Variants in SPTB observed in about 807,000 individuals in gnomAD.
The protein encoded by SPTB is spectrin beta chain, erythrocytic.
SPTB carries 45 observed loss-of-function variants against 256.2 expected under a neutral mutation model. The observed-to-expected ratio is 0.18, with a 90% CI of 0.14 to 0.23. The LOEUF (loss-of-function observed/expected upper bound fraction) is 0.23. Among genes scored for constraint, SPTB ranks in the 10% least tolerant of loss-of-function variants. The pLI, the probability that SPTB is intolerant of heterozygous loss-of-function variation, is 1.00. For synonymous variants in SPTB, 1,231 were observed against 1,243.1 expected, an observed-to-expected ratio of 0.99 and a Z score of 0.21; for missense variants, 2,715 against 3,040.4, an observed-to-expected ratio of 0.89 and a Z score of 2.52.
Position 64,796,838 on chromosome 14 carries a change from G to A in SPTB, c.1183-123C>T. ...TCAAGGTACAGCCTGATGCTCTTGG[G>A]TGACGTGGTAGCAGATTAAAGATCA... On this transcript the variant is annotated intron_variant, in intron 10 of 35. Coordinates refer to ENST00000644917, the MANE Select transcript of SPTB (RefSeq NM_001355436.2). This position sits in a 1 kb window ranked among gnomAD's most constrained non-coding sequence, Gnocchi z 4.1. The A allele has an allele frequency of 1.5e-6, 2 of 1,291,806 alleles. No homozygotes were observed. Among genetic ancestry groups the A allele is most frequent in the Non-Finnish European group, 2.2e-6 (2 of 909,086 alleles). 80.0% of individuals were successfully genotyped at this position (1,291,806 alleles called of 1,614,324 possible).
intron 1 of SPTB, among the ~76,000 whole-genome samples, chr14:64,874,849 C>T (rs949821079): frequency 2.0e-5 from 3 of 152,268 alleles, no homozygotes; most frequent in South Asian, 4.1e-4. Flanking sequence ...GACTATAATT[C>T]GAAGCAATTA....
At position 64,780,039 on chromosome 14, in the gene SPTB, C is replaced by T; in HGVS notation, c.4267-108G>A. On this transcript the variant is annotated intron_variant, in intron 20 of 35. Coordinates refer to ENST00000644917, the MANE Select transcript of SPTB (RefSeq NM_001355436.2). ...CATCCTTTAAGGCCCAATTTGAGCT[C>T]AACTTCCTCCAAGGAGTCTCCTTGG... The T allele has an allele frequency of 3.1e-6, 3 of 956,020 alleles. No homozygotes were observed. The South Asian group carries it at 3.9e-5, about 13-fold the overall frequency. The allele number at this position is 956,020 out of a possible 1,614,324, so 59.2% of individuals were successfully genotyped here. A position where few individuals can be genotyped will look rare whatever the true frequency, so the allele number is the denominator to read the frequency against.
At chr14:64,860,327 T>C (rs897691709) in intron 1 of SPTB, among the ~76,000 whole-genome samples, 1 of 152,240 alleles carries the variant, frequency 6.6e-6, no homozygotes, top group Non-Finnish European at 1.5e-5. Context: ...TCATATATTC[T>C]TTCCCTGCTT....
chr14:64,779,892 C>T lies in SPTB; in HGVS notation c.4306G>A (p.Gly1436Arg), dbSNP rs1346828165. ...GAAGGCACCTGGGCAAACAGCTCCC[C>T]CAGCTCCTCTTTTCGCACATTCACT... The part of the protein sequence containing the change: ...DQVNVRKEEL[G>R]ELFAQVPSMG... Residue 1436 changes from glycine (G) to arginine (R), a missense_variant, in exon 21 of 36, where the codon GGG (glycine) becomes AGG (arginine). Gly to Arg is a moderately radical substitution (Grantham distance 125, BLOSUM62 -2). Transcript: ENST00000644917. This position sits in a 1 kb window ranked among gnomAD's most constrained non-coding sequence, Gnocchi z 4.2. 1.9e-6 allele frequency: 3 copies of T among 1,614,036 alleles called. No homozygotes were observed. Among genetic ancestry groups the T allele is most frequent in the African/African-American group, 2.7e-5 (2 of 75,034 alleles).
At position 64,782,478 on chromosome 14, in the gene SPTB, G is replaced by A; in HGVS notation, c.4078C>T (p.Leu1360Phe). ...GTGGTGGCCTGCAGCTCGTCCCAGA[G>A]CCGGTGCAGGGCTTCCAGCTTTTGG... ...VSQKLEALHR[L>F]WDELQATTKE... Residue 1360 changes from leucine to phenylalanine, a missense_variant, in exon 20 of 36, where the codon CTC becomes TTC. Leu to Phe is a conservative substitution (Grantham distance 22). Around this residue, in one of 4 missense-constraint regions of SPTB, gnomAD observed 2,239 missense variants for 2,384.4 expected, o/e 0.94. Coordinates refer to ENST00000644917, the MANE Select transcript of SPTB (RefSeq NM_001355436.2). The A allele has an allele frequency of 6.2e-7, 1 of 1,614,146 alleles. No homozygotes were observed. Among genetic ancestry groups the A allele is most frequent in the Non-Finnish European group, 8.5e-7 (1 of 1,180,038 alleles).
intron 32 of SPTB, chr14:64,766,270 GTGCA>G: frequency 1.9e-6 from 1 of 522,878 alleles, no homozygotes; most frequent in Non-Finnish European, 2.7e-6. Flanking sequence ...GTATTTGTGT[GTGCA>G]TGCATGTGTG....
chr14:64,749,539 C>T lies in SPTB; in HGVS notation c.6820-66G>A. 6.2e-7 allele frequency: 1 copy of T among 1,600,924 alleles called. No homozygotes were observed. Among genetic ancestry groups the T allele is most frequent in the South Asian group, 1.1e-5 (1 of 90,776 alleles). ...GCCCCCCACCTCCCGGGCCAGGCAACAATGGTGGGGGCTCTTGGGACTGCC... is the reference window on the plus strand; with the variant it reads ...GCCCCCCACCTCCCGGGCCAGGCAATAATGGTGGGGGCTCTTGGGACTGCC... On this transcript the variant is annotated intron_variant, in intron 35 of 35. Coordinates refer to ENST00000644917, the MANE Select transcript of SPTB (RefSeq NM_001355436.2). The surrounding 1 kb of genome is among the most constrained non-coding windows in gnomAD (Gnocchi z 4.7).
intron 19 of SPTB, among the ~76,000 whole-genome samples, chr14:64,783,791 G>A (rs1354520268): frequency 6.6e-6 from 1 of 152,118 alleles, no homozygotes; most frequent in Admixed American, 6.5e-5. Context: ...GGGGTCCCTT[G>A]GTTCGCCATC....
At chr14:64,773,604 A>G (rs1371196283) in intron 24 of SPTB, among the ~76,000 whole-genome samples, 180 bp from the exon 25 acceptor site, 1 of 152,170 alleles carries the variant, frequency 6.6e-6, no homozygotes, top group Non-Finnish European at 1.5e-5. Context: ...GCCACACCCT[A>G]GCCTCAGGGG....
intron 2 of SPTB, among the ~76,000 whole-genome samples, chr14:64,822,311 T>C (rs112002541): frequency 0.032 from 88 of 2,742 alleles, no homozygotes; most frequent in Admixed American, 0.067. Flanking sequence ...GGAGGAGAAG[T>C]CATTTCTACT....
intron 32 of SPTB, chr14:64,754,063 A>C: frequency 1.8e-6 from 1 of 568,078 alleles, no homozygotes; most frequent in Non-Finnish European, 3.2e-6. Flanking sequence ...AATGTAACAT[A>C]GCAACGGAAG....
intron 2 of SPTB, among the ~76,000 whole-genome samples, chr14:64,819,619 C>G (rs899240493): frequency 6.6e-6 from 1 of 152,230 alleles, no homozygotes; most frequent in Admixed American, 6.5e-5. Context: ...GCCCAGAGCT[C>G]CAAGCACAAA....
chr14:64,847,819 G>A lies in SPTB; in HGVS notation c.-51-24674C>T, dbSNP rs1037578978. Among the ~76,000 whole-genome samples, 4 of 152,154 alleles carry A rather than the reference G, an allele frequency of 2.6e-5. No individual in the cohort carries two copies. Among genetic ancestry groups the A allele is most frequent in the African/African-American group, 9.7e-5 (4 of 41,430 alleles). ...GCACAGAGCAGCTCTTGGGAAGCAT[G>A]CCTTATTTCCTCAATGCTCCATGTG... On this transcript the variant is annotated intron_variant, in intron 1 of 35. Coordinates refer to ENST00000644917, the MANE Select transcript of SPTB (RefSeq NM_001355436.2). The surrounding 1 kb of genome is among the most constrained non-coding windows in gnomAD (Gnocchi z 5.9).
rs1437743127 is a variant in SPTB at position 64,847,037 on chromosome 14, T to A, written c.-51-23892A>T. Among the ~76,000 whole-genome samples, 1 of 152,134 alleles carries A rather than the reference T, an allele frequency of 6.6e-6. No homozygotes were observed. The highest frequency in any genetic ancestry group is 1.5e-5 in the Non-Finnish European group (1 of 68,016). On this transcript the variant is annotated intron_variant, in intron 1 of 35. Coordinates refer to ENST00000644917, the MANE Select transcript of SPTB (RefSeq NM_001355436.2). The surrounding 1 kb of genome is among the most constrained non-coding windows in gnomAD (Gnocchi z 5.9). Reference sequence around the variant, plus strand: ...CAGTCGCCCACCCATACTGCCTCCATCCTCATGTTTCTCAACAGTCATAAA... The same window carrying A: ...CAGTCGCCCACCCATACTGCCTCCAACCTCATGTTTCTCAACAGTCATAAA...
Position 64,765,821 on chromosome 14 carries a change from A to AGT in SPTB, c.6345+903_6345+904dup, listed in dbSNP as rs780515740. On this transcript the variant is annotated intron_variant, in intron 32 of 35. Coordinates refer to ENST00000644917, the MANE Select transcript of SPTB (RefSeq NM_001355436.2). ...AGTGATTGGGGTGTGTGTGTGTGTG[A>AGT]GTGTGTGTGTGTGTGGGGGTGTGGT... 6.1e-3 allele frequency among the ~76,000 whole-genome samples: 804 copies of AGT among 132,008 alleles called. 17 individuals are homozygous for AGT. The highest frequency in any genetic ancestry group is 0.06 in the Middle Eastern group (16 of 266). The allele number at this position is 132,008 out of a possible 152,430, so 86.6% of individuals were successfully genotyped here.
In SPTB at chr14:64,775,859, C is replaced by T. The variant is rs17102073; in HGVS notation, c.4564-456G>A. Reference sequence around the variant, plus strand: ...TCATTTACGCAGGATACGCCCAACCCAGCAGCTCAGGTGGGCACAGTTTTT... The same window carrying T: ...TCATTTACGCAGGATACGCCCAACCTAGCAGCTCAGGTGGGCACAGTTTTT... On this transcript the variant is annotated intron_variant, in intron 22 of 35. Coordinates refer to ENST00000644917, the MANE Select transcript of SPTB (RefSeq NM_001355436.2). The surrounding 1 kb of genome is among the most constrained non-coding windows in gnomAD (Gnocchi z 5.0). Among the ~76,000 whole-genome samples, 25,354 of 152,236 alleles carry T rather than the reference C, an allele frequency of 0.17. 2,204 individuals carry two copies. Among genetic ancestry groups the T allele is most frequent in the Non-Finnish European group, 0.18 (12,361 of 68,002 alleles).
At chr14:64,780,047 T>A in intron 20 of SPTB, 116 bp from the exon 21 acceptor site, 1 of 856,240 alleles carries the variant, frequency 1.2e-6, no homozygotes, top group East Asian at 2.5e-5. Flanking sequence ...CTCAACTTCC[T>A]CCAAGGAGTC....
chr14:64,750,644 C>T (rs1384243863), intron 33 of SPTB, among the ~76,000 whole-genome samples: 1 of 151,808 alleles, frequency 6.6e-6, no homozygotes, highest in Non-Finnish European at 1.5e-5. Context: ...GGCTTGGTGG[C>T]GCATGCCTGC....
intron 6 of SPTB, 122 bp from the exon 7 acceptor site, chr14:64,801,522 G>A (rs1459796749): frequency 2.4e-6 from 2 of 834,804 alleles, no homozygotes; most frequent in Non-Finnish European, 4.1e-6. Flanking sequence ...GGAGTGAAAG[G>A]AGGAGATGGG....
Sources: allele counts gnomAD v4.1 joint callset (sites outside exome capture counted in the v4.1 genomes callset), GRCh38; gene constraint gnomAD v4.1.1; regional missense constraint gnomAD v4.1.1; non-coding constraint Gnocchi (gnomAD v3.1); transcripts MANE v1.5; gene names NCBI Gene and HGNC (gene_info 2026-07-23, HGNC 2026-07-21).